The following UNC5C variants were observed in gnomAD, a reference collection of about 807,000 sequenced individuals.
The protein encoded by UNC5C is netrin receptor UNC5C.
In UNC5C, 47 loss-of-function variants were observed where a neutral mutation model predicts 99.8. The ratio of observed to expected loss-of-function variants is 0.47; its 90% CI spans 0.37 to 0.60. The LOEUF (loss-of-function observed/expected upper bound fraction) is 0.60. UNC5C is among the 20% of genes least tolerant of loss of function. UNC5C has a pLI of 0.00. For missense variants in UNC5C, 1,062 were observed against 1,165.9 expected (o/e 0.91, Z 1.30); for synonymous variants, 487 against 452.2 (o/e 1.08, Z -0.98).
intron 6 of UNC5C, among the ~76,000 whole-genome samples, chr4:95,244,616 G>A (rs940623469): frequency 1.3e-5 from 2 of 151,984 alleles, no homozygotes; most frequent in Non-Finnish European, 2.9e-5. Flanking sequence ...TAATTTCTAC[G>A]GTTTTCTGAA....
At position 95,449,744 on chromosome 4, in the gene UNC5C, G is replaced by T. The variant is rs183691059; in HGVS notation, c.124+98990C>A. ...TGTACAGAACTCTTCTAGTAAATCT[G>T]CCAACTAAGATATCTGTTAGTGACT... On this transcript the variant is annotated intron_variant, in intron 1 of 15. Coordinates refer to ENST00000453304, the MANE Select transcript of UNC5C (RefSeq NM_003728.4). Among the ~76,000 whole-genome samples the T allele has an allele frequency of 2.1e-3, 323 of 152,238 alleles. 1 individual carries two copies. The highest frequency in any genetic ancestry group is 3.3e-3 in the Non-Finnish European group (225 of 68,008).
At chr4:95,291,377 G>T (rs1741438528) in intron 3 of UNC5C, among the ~76,000 whole-genome samples, 1 of 152,154 alleles carries the variant, frequency 6.6e-6, no homozygotes, top group Admixed American at 6.5e-5. Flanking sequence ...TTGCAGACAA[G>T]CTGTTTTCTT....
chr4:95,288,847 C>T (rs1474658418), intron 3 of UNC5C, among the ~76,000 whole-genome samples: 1 of 152,200 alleles, frequency 6.6e-6, no homozygotes, highest in Non-Finnish European at 1.5e-5. Flanking sequence ...TGGGCAATGT[C>T]AGAAAATCTC....
intron 4 of UNC5C, among the ~76,000 whole-genome samples, chr4:95,263,149 C>G (rs899778682): frequency 6.6e-6 from 1 of 152,158 alleles, no homozygotes; most frequent in African/African-American, 2.4e-5. Context: ...TTTGTTCTTA[C>G]ATTTTCTTAA....
At chr4:95,490,201 G>A (rs1721443581) in intron 1 of UNC5C, among the ~76,000 whole-genome samples, 1 of 151,522 alleles carries the variant, frequency 6.6e-6, no homozygotes, top group Admixed American at 6.6e-5. Flanking sequence ...TCCAGAAGAT[G>A]GAAGGGGTCA....
At chr4:95,440,134 T>C (rs1578164553) in intron 1 of UNC5C, among the ~76,000 whole-genome samples, 1 of 152,220 alleles carries the variant, frequency 6.6e-6, no homozygotes, top group East Asian at 1.9e-4. Flanking sequence ...TTGTTGGTTT[T>C]CCTGCAGAGA....
At chr4:95,468,218 T>A (rs1435008970) in intron 1 of UNC5C, among the ~76,000 whole-genome samples, 1 of 151,784 alleles carries the variant, frequency 6.6e-6, no homozygotes, top group African/African-American at 2.4e-5. Context: ...TCATATCACA[T>A]AAAGATCCAT....
intron 4 of UNC5C, among the ~76,000 whole-genome samples, chr4:95,264,579 A>G (rs1315057487): frequency 6.6e-6 from 1 of 152,166 alleles, no homozygotes; most frequent in African/African-American, 2.4e-5. Context: ...AACAAAATTA[A>G]GCCTGACACA....
chr4:95,272,020 TCCTTA>T (rs1183038139), intron 4 of UNC5C, among the ~76,000 whole-genome samples: 2 of 151,038 alleles, frequency 1.3e-5, no homozygotes, highest in African/African-American at 4.9e-5. Context: ...ACTAGCTCCT[TCCTTA>T]CCTTCAGATC....
intron 1 of UNC5C, among the ~76,000 whole-genome samples, chr4:95,533,373 G>T (rs987509381): frequency 1.3e-5 from 2 of 151,334 alleles, no homozygotes; most frequent in African/African-American, 4.9e-5. Flanking sequence ...TCTAGCCAGG[G>T]CAATAAGAGC....
At chr4:95,342,901 T>C (rs1743632983) in intron 1 of UNC5C, among the ~76,000 whole-genome samples, 1 of 151,936 alleles carries the variant, frequency 6.6e-6, no homozygotes, top group African/African-American at 2.4e-5. Flanking sequence ...GGGGTGGCAG[T>C]GGCAGTGGCC....
chr4:95,268,696 G>A (rs1347947606), intron 4 of UNC5C, among the ~76,000 whole-genome samples: 7 of 152,186 alleles, frequency 4.6e-5, no homozygotes, highest in Non-Finnish European at 7.3e-5. Context: ...TGGCACATTT[G>A]TTCTAATTAA....
chr4:95,534,824 T>C (rs975718255), intron 1 of UNC5C, among the ~76,000 whole-genome samples: 2 of 152,130 alleles, frequency 1.3e-5, no homozygotes. Context: ...CTCGCAAATG[T>C]AGAACTTTGA....
intron 1 of UNC5C, among the ~76,000 whole-genome samples, chr4:95,357,878 A>ATG (rs60645315): frequency 1.4e-4 from 21 of 151,568 alleles, no homozygotes; most frequent in African/African-American, 4.1e-4. Flanking sequence ...TAAAGAATGA[A>ATG]TGTGTGTGTG....
intron 3 of UNC5C, among the ~76,000 whole-genome samples, chr4:95,288,606 C>A (rs1430209716): frequency 4.6e-5 from 7 of 152,236 alleles, no homozygotes; most frequent in African/African-American, 1.7e-4. Context: ...ATCAGTTTCA[C>A]TGAGCCATAA....
At chr4:95,207,046 C>A (rs531870225) in intron 10 of UNC5C, among the ~76,000 whole-genome samples, 17 of 152,048 alleles carry the variant, frequency 1.1e-4, no homozygotes, top group African/African-American at 4.1e-4. Flanking sequence ...TGATCCCCTT[C>A]CCTCCGACAC....
Position 95,470,137 on chromosome 4 carries a change from A to AAATAT in UNC5C, c.124+78596_124+78597insATATT, listed in dbSNP as rs1747921305. On this transcript the variant is annotated intron_variant, in intron 1 of 15. Transcript: ENST00000453304. ...GGTTTGTGTATATTTTATGATAGTA[A>AAATAT]ATGATAAAATAGACTAGTATGTATG... is the stretch of plus-strand genomic sequence containing the variant. Among the ~76,000 whole-genome samples the AAATAT allele has an allele frequency of 8.5e-5, 13 of 152,264 alleles. No homozygotes were observed. The South Asian group carries it at 2.7e-3, about 32-fold the overall frequency.
intron 1 of UNC5C, among the ~76,000 whole-genome samples, chr4:95,337,965 T>C (rs1166924572): frequency 6.6e-6 from 1 of 152,054 alleles, no homozygotes; most frequent in Non-Finnish European, 1.5e-5. Context: ...GCCTATGCCC[T>C]GGATGAATTC....
chr4:95,489,522 C>T (rs1353435708), intron 1 of UNC5C, among the ~76,000 whole-genome samples: 1 of 151,718 alleles, frequency 6.6e-6, no homozygotes, highest in Admixed American at 6.6e-5. Context: ...GTTAAAAGCC[C>T]ATCCTCACTG....
Sources: allele counts gnomAD v4.1 joint callset (sites outside exome capture counted in the v4.1 genomes callset), GRCh38; gene constraint gnomAD v4.1.1; transcripts MANE v1.5; gene names NCBI Gene and HGNC (gene_info 2026-07-23, HGNC 2026-07-21).